The following NACC1 variants were observed in gnomAD, a reference collection of about 807,000 sequenced individuals.
NACC1 encodes nucleus accumbens-associated protein 1.
Under a neutral mutation model 41.7 loss-of-function variants are expected in NACC1, and 6 were observed. The observed-to-expected ratio is 0.14, with a 90% CI of 0.08 to 0.28. The LOEUF is 0.28. NACC1 is among the 10% of genes least tolerant of loss of function. NACC1 has a pLI of 1.00. For synonymous variants in NACC1, 338 were observed against 330.6 expected, an observed-to-expected ratio of 1.02 and a Z score of -0.24; for missense variants, 434 against 763.7, an observed-to-expected ratio of 0.57 and a Z score of 5.09.
chr19:13,117,633 A>G (rs1223358375), upstream of NACC1: 1 of 147,624 alleles, frequency 6.8e-6, no homozygotes, highest in Non-Finnish European at 1.5e-5. Flanking sequence ...GGCTCACTGC[A>G]ACCACCGCCT....
chr19:13,120,363 T>C (rs1330178304), intron 1 of NACC1, among the ~76,000 whole-genome samples: 1 of 152,188 alleles, frequency 6.6e-6, no homozygotes, highest in Non-Finnish European at 1.5e-5. Context: ...TTTTGTTCCT[T>C]TCTGGGCTAA....
chr19:13,134,364 G>A (rs1455952668), intron 1 of NACC1, among the ~76,000 whole-genome samples: 3 of 151,552 alleles, frequency 2.0e-5, no homozygotes, highest in South Asian at 2.1e-4. Context: ...CCAGCCTCAT[G>A]CAATTTCTTT....
intron 1 of NACC1, among the ~76,000 whole-genome samples, chr19:13,128,298 A>C (rs2019590389): frequency 1.3e-5 from 2 of 152,194 alleles, no homozygotes; most frequent in Admixed American, 1.3e-4. Context: ...TGGCTTAAAC[A>C]ACAGACATTT....
chr19:13,133,367 A>AT (rs2019658077), intron 1 of NACC1, among the ~76,000 whole-genome samples: 2 of 151,192 alleles, frequency 1.3e-5, no homozygotes, highest in African/African-American at 4.8e-5. Context: ...AAAAAAAAAA[A>AT]GAAAAAAGAA....
chr19:13,132,408 TAAAAAAAAAAA>T (rs34652828), intron 1 of NACC1: 2 of 114,702 alleles, frequency 1.7e-5, no homozygotes, highest in African/African-American at 6.6e-5. Flanking sequence ...GACTCTGTCT[TAAAAAAAAAAA>T]AAAAAAAAAA....
In NACC1 at chr19:13,138,363, G is replaced by A. The variant is rs765382201; in HGVS notation, c.1541G>A (p.Ser514Asn). ...GTGGAGCATGGCTTCGAGACCGCCA[G>A]CCACGAGGGCGAGGCGGGTCCCTCG... ...MGVEHGFETA[S>N]HEGEAGPSAE... Residue 514 changes from serine to asparagine, a missense_variant, in exon 6 of 6, where the codon AGC (serine) becomes AAC (asparagine). Coordinates refer to ENST00000292431, the MANE Select transcript of NACC1 (RefSeq NM_052876.4). The surrounding 1 kb of genome is among the most constrained non-coding windows in gnomAD (Gnocchi z 5.7). 1.9e-6 allele frequency: 3 copies of A among 1,613,508 alleles called. No homozygotes were observed. The highest frequency in any genetic ancestry group is 1.7e-6 in the Non-Finnish European group (2 of 1,180,004).
chr19:13,130,895 C>T (rs2019626984), intron 1 of NACC1, among the ~76,000 whole-genome samples: 1 of 152,184 alleles, frequency 6.6e-6, no homozygotes, highest in South Asian at 2.1e-4. Context: ...AAGATGTCCA[C>T]ACTCTGTAGG....
In NACC1 at chr19:13,139,492, A is replaced by ATG. The variant is rs981548817; in HGVS notation, c.*1097_*1098dup. On this transcript the variant is annotated 3_prime_UTR_variant, in exon 6 of 6. Transcript: ENST00000292431. ...GTTGGGGGGCTGGGGGGCAGGCTGA[A>ATG]TGTGTGTGTGTGGGTGTGTATGTGT... 4 of 151,998 alleles carry ATG rather than the reference A, an allele frequency of 2.6e-5. No homozygotes were observed. Among genetic ancestry groups the ATG allele is most frequent in the Non-Finnish European group, 2.9e-5 (2 of 68,318 alleles). 9.4% of individuals were successfully genotyped at this position (151,998 alleles called of 1,614,324 possible).
chr19:13,129,375 G>A (rs1168514279), intron 1 of NACC1, among the ~76,000 whole-genome samples: 1 of 152,164 alleles, frequency 6.6e-6, no homozygotes, highest in Non-Finnish European at 1.5e-5. Flanking sequence ...CCTTCCTGGG[G>A]CTAGCGTGGG....
At chr19:13,127,400 T>TTTC (rs1245933408) in intron 1 of NACC1, among the ~76,000 whole-genome samples, 6 of 100,828 alleles carry the variant, frequency 6.0e-5, no homozygotes, top group African/African-American at 2.3e-4. Flanking sequence ...TTTTTTTTTT[T>TTTC]CGGTTAACTG....
rs986334234 is a variant in NACC1 at position 13,140,914 on chromosome 19, C to T, written c.*2508C>T. 10 of 152,648 alleles carry T rather than the reference C, an allele frequency of 6.6e-5. No homozygotes were observed. Among genetic ancestry groups the T allele is most frequent in the African/African-American group, 2.4e-4 (10 of 41,410 alleles). 9.5% of individuals were successfully genotyped at this position (152,648 alleles called of 1,614,324 possible). ...TGTGGGGCCCTCCCCTGCCAACTCC[C>T]CTTCCCTGGCCGCCCACTCAACCCA... On this transcript the variant is annotated 3_prime_UTR_variant, in exon 6 of 6. Coordinates refer to ENST00000292431, the MANE Select transcript of NACC1 (RefSeq NM_052876.4). The surrounding 1 kb of genome is among the most constrained non-coding windows in gnomAD (Gnocchi z 4.0).
intron 1 of NACC1, among the ~76,000 whole-genome samples, chr19:13,119,379 C>G (rs549105415): frequency 1.3e-5 from 2 of 152,278 alleles, no homozygotes; most frequent in South Asian, 4.1e-4. Context: ...GTGTGGGCAG[C>G]TGGAGACAGT....
At position 13,136,173 on chromosome 19, in the gene NACC1, C is replaced by T. The variant is rs773852945; in HGVS notation, c.946+20C>T. 18 of 1,603,968 alleles carry T rather than the reference C, an allele frequency of 1.1e-5. No individual in the cohort carries two copies. In the Admixed American group the frequency reaches 2.7e-4, roughly 24 times the overall value. On this transcript the variant is annotated intron_variant, in intron 2 of 5. Coordinates refer to ENST00000292431, the MANE Select transcript of NACC1 (RefSeq NM_052876.4). This position sits in a 1 kb window ranked among gnomAD's most constrained non-coding sequence, Gnocchi z 5.5. ...AGACAGGTGAGGTGCCGTCCTGTCC[C>T]CCATCCCACCAGCCACCCCTGCTCC...
At chr19:13,134,403 C>T (rs1052172850) in intron 1 of NACC1, among the ~76,000 whole-genome samples, 1 of 150,536 alleles carries the variant, frequency 6.6e-6, no homozygotes, top group African/African-American at 2.4e-5. Context: ...GACAGTCTTA[C>T]TCTATGCCCC....
At chr19:13,130,495 C>A (rs931219186) in intron 1 of NACC1, among the ~76,000 whole-genome samples, 2 of 150,958 alleles carry the variant, frequency 1.3e-5, no homozygotes, top group Non-Finnish European at 2.9e-5. Context: ...TGACAGTGCC[C>A]TTGGAGGGGT....
rs2019703336 is a variant in NACC1, at chr19:13,136,131, C to T, written c.924C>T (p.Ser308=). 6.2e-7 allele frequency: 1 copy of T among 1,612,974 alleles called. No homozygotes were observed. The highest frequency in any genetic ancestry group is 1.7e-5 in the Admixed American group (1 of 59,988). ...RQICNMYTMY[S]MMNVGQTAEK... is the part of the protein sequence containing the mutation. ...TCTGCAACATGTACACCATGTACAGCATGATGAACGTCGGCCAGACAGGTG... is the reference window on the plus strand; with the variant it reads ...TCTGCAACATGTACACCATGTACAGTATGATGAACGTCGGCCAGACAGGTG... Residue 308 remains serine (S), a synonymous_variant, in exon 2 of 6, where the codon AGC becomes AGT. Transcript: ENST00000292431. The surrounding 1 kb of genome is among the most constrained non-coding windows in gnomAD (Gnocchi z 5.5).
intron 1 of NACC1, among the ~76,000 whole-genome samples, chr19:13,122,618 AGAAT>A (rs989400078): frequency 1.3e-5 from 2 of 151,874 alleles, no homozygotes; most frequent in Middle Eastern, 3.2e-3. Context: ...CCCACCACAA[AGAAT>A]GATTGACGCA....
In NACC1 at chr19:13,137,141, C is replaced by A; in HGVS notation, c.1121-130C>A. The A allele has an allele frequency of 1.2e-6, 1 of 827,374 alleles. No individual in the cohort carries two copies. The highest frequency in any genetic ancestry group is 2.0e-6 in the Non-Finnish European group (1 of 509,790). 51.3% of individuals were successfully genotyped at this position (827,374 alleles called of 1,614,324 possible). A position where few individuals can be genotyped will look rare whatever the true frequency, so the allele number is the denominator to read the frequency against. ...GGTAGAGATGTAGGGGAGAAGGTCC[C>A]TGGGTGAGTTTTCTTGGGACCCAGA... On this transcript the variant is annotated intron_variant, in intron 3 of 5. Transcript: ENST00000292431. This position sits in a 1 kb window ranked among gnomAD's most constrained non-coding sequence, Gnocchi z 6.1.
rs2145630564 is a variant in NACC1 at position 13,141,134 on chromosome 19, G to A, written c.*2728G>A. ...TGATACTGATGAGAATAAACTAAACGCCTTTGTAACAGCCTTGCCGCATGC... is the reference window on the plus strand; with the variant it reads ...TGATACTGATGAGAATAAACTAAACACCTTTGTAACAGCCTTGCCGCATGC... On this transcript the variant is annotated 3_prime_UTR_variant, in exon 6 of 6. Transcript: ENST00000292431. 6.6e-6 allele frequency: 1 copy of A among 152,644 alleles called. No homozygotes were observed. The highest frequency in any genetic ancestry group is 1.9e-4 in the East Asian group (1 of 5,180). 9.5% of individuals were successfully genotyped at this position (152,644 alleles called of 1,614,324 possible).
Sources: allele counts gnomAD v4.1 joint callset (sites outside exome capture counted in the v4.1 genomes callset), GRCh38; gene constraint gnomAD v4.1.1; non-coding constraint Gnocchi (gnomAD v3.1); transcripts MANE v1.5; gene names NCBI Gene and HGNC (gene_info 2026-07-23, HGNC 2026-07-21).